PLGRKT: variants seen among roughly 807,000 people sequenced by gnomAD.
PLGRKT encodes the protein plasminogen receptor (KT).
Under a neutral mutation model 18.5 loss-of-function variants are expected in PLGRKT, and 22 were observed. The ratio of observed to expected loss-of-function variants is 1.19; its 90% CI spans 0.85 to 1.70. PLGRKT has a LOEUF of 1.70. Ranked by LOEUF, PLGRKT falls within the 40% of genes most tolerant of loss-of-function variation. The probability of loss-of-function intolerance (pLI) is 0.00; values close to 1 mark genes in which losing one functional copy is unlikely to be tolerated. For missense variants in PLGRKT, 235 were observed against 174.4 expected (o/e 1.35, Z -1.96); for synonymous variants, 72 against 52.8 (o/e 1.36, Z -1.58).
intron 3 of PLGRKT, among the ~76,000 whole-genome samples, chr9:5,406,224 G>A (rs1436642266): frequency 2.6e-5 from 4 of 152,180 alleles, no homozygotes; most frequent in South Asian, 2.1e-4. Context: ...ATTTAGAACC[G>A]AAAATACCAT....
At chr9:5,410,833 A>G (rs1352373016) in intron 3 of PLGRKT, among the ~76,000 whole-genome samples, 3 of 152,206 alleles carry the variant, frequency 2.0e-5, no homozygotes, top group South Asian at 4.1e-4. Context: ...CAAATGAACA[A>G]TAAAATTTTG....
At chr9:5,394,010 T>C (rs1424375779) in intron 3 of PLGRKT, among the ~76,000 whole-genome samples, 2 of 151,908 alleles carry the variant, frequency 1.3e-5, no homozygotes, top group Non-Finnish European at 2.9e-5. Context: ...GGTGAATCTC[T>C]AGAAATGACC....
At position 5,361,071 on chromosome 9, in the gene PLGRKT, G is replaced by C. The variant is rs200234274; in HGVS notation, c.322+7C>G. On this transcript the variant is annotated splice_region_variant and intron_variant, in intron 5 of 5. Transcript: ENST00000223864. ...CAAATAGAAACTCTAGTTTACCAAA[G>C]ACTTACCTTTCATTCTTTCTAAAAG... 1.5e-6 allele frequency: 2 copies of C among 1,368,792 alleles called. No individual in the cohort carries two copies. The highest frequency in any genetic ancestry group is 2.3e-5 in the East Asian group (1 of 43,494). The allele number at this position is 1,368,792 out of a possible 1,614,324, so 84.8% of individuals were successfully genotyped here. A position where few individuals can be genotyped will look rare whatever the true frequency, so the allele number is the denominator to read the frequency against.
chr9:5,405,968 C>CA (rs1196133383), intron 3 of PLGRKT, among the ~76,000 whole-genome samples: 2 of 152,002 alleles, frequency 1.3e-5, no homozygotes, highest in South Asian at 2.1e-4. Flanking sequence ...AGACACTTCT[C>CA]AAAAAAAGAC....
intron 3 of PLGRKT, among the ~76,000 whole-genome samples, chr9:5,420,525 A>T (rs1240370257): frequency 1.3e-5 from 2 of 152,172 alleles, no homozygotes; most frequent in Non-Finnish European, 2.9e-5. Context: ...CCCCAGAACG[A>T]AAAGCTAAAT....
At chr9:5,427,748 G>C (rs535100040) in intron 3 of PLGRKT, among the ~76,000 whole-genome samples, 3 of 152,330 alleles carry the variant, frequency 2.0e-5, no homozygotes, top group Middle Eastern at 3.4e-3. Context: ...TGCCCTGATA[G>C]TTTTGGTGGC....
At chr9:5,360,875 G>A (rs1348678505) in intron 5 of PLGRKT, among the ~76,000 whole-genome samples, 2 of 152,198 alleles carry the variant, frequency 1.3e-5, no homozygotes, top group Non-Finnish European at 1.5e-5. Context: ...CACAATCCCT[G>A]AAAATGTAGC....
At chr9:5,427,196 G>C (rs1407284375) in intron 3 of PLGRKT, among the ~76,000 whole-genome samples, 1 of 152,124 alleles carries the variant, frequency 6.6e-6, no homozygotes, top group Admixed American at 6.6e-5. Context: ...CCCTTGTCTA[G>C]TGTAGCCAAG....
In PLGRKT at chr9:5,418,496, T is replaced by A. The variant is rs1043674666; in HGVS notation, c.81+13401A>T. ...CACACCCTCAACCACATGGAGCTTT[T>A]CACCATGCCCCGCCTGTCCTGCTCC... On this transcript the variant is annotated intron_variant, in intron 3 of 5. Coordinates refer to ENST00000223864, the MANE Select transcript of PLGRKT (RefSeq NM_018465.4). This position sits in a 1 kb window ranked among gnomAD's most constrained non-coding sequence, Gnocchi z 4.2. 3.5e-5 allele frequency: 39 copies of A among 1,107,872 alleles called. No individual in the cohort carries two copies. The Admixed American group carries it at 6.4e-4, about 18-fold the overall frequency. 68.6% of individuals were successfully genotyped at this position (1,107,872 alleles called of 1,614,324 possible).
intron 3 of PLGRKT, among the ~76,000 whole-genome samples, chr9:5,430,959 C>T (rs182879726): frequency 6.6e-6 from 1 of 152,332 alleles, no homozygotes; most frequent in East Asian, 1.9e-4. Flanking sequence ...AGGTTTCACA[C>T]TCCATGTTAG....
intron 3 of PLGRKT, among the ~76,000 whole-genome samples, chr9:5,416,758 T>C (rs1048832823): frequency 2.6e-5 from 4 of 152,194 alleles, no homozygotes; most frequent in African/African-American, 4.8e-5. Flanking sequence ...CCTGGACCCA[T>C]TGTTTGCATG....
At chr9:5,420,878 G>A (rs956043975) in intron 3 of PLGRKT, among the ~76,000 whole-genome samples, 1 of 152,166 alleles carries the variant, frequency 6.6e-6, no homozygotes, top group Non-Finnish European at 1.5e-5. Flanking sequence ...AAAAACAGAT[G>A]GGGGGCACAA....
chr9:5,369,056 T>C (rs1329363642), intron 3 of PLGRKT, among the ~76,000 whole-genome samples: 2 of 152,176 alleles, frequency 1.3e-5, no homozygotes, highest in East Asian at 3.9e-4. Context: ...GGCAAGGACT[T>C]CATGACTAAA....
intron 3 of PLGRKT, among the ~76,000 whole-genome samples, chr9:5,397,810 G>C (rs950285592): frequency 1.3e-5 from 2 of 151,946 alleles, no homozygotes; most frequent in African/African-American, 4.9e-5. Flanking sequence ...GCTGCCCTTG[G>C]TGTCAGCTGC....
At chr9:5,367,067 A>AC (rs1554626429) in intron 3 of PLGRKT, among the ~76,000 whole-genome samples, 21 of 138,844 alleles carry the variant, frequency 1.5e-4, no homozygotes, top group African/African-American at 5.1e-4. Context: ...ACACACACAC[A>AC]CCCCTAGGAA....
intron 3 of PLGRKT, among the ~76,000 whole-genome samples, chr9:5,397,144 A>G (rs1418203397): frequency 6.6e-6 from 1 of 151,986 alleles, no homozygotes; most frequent in Non-Finnish European, 1.5e-5. Flanking sequence ...ACGAAATTGT[A>G]GGCTTCCTAC....
At chr9:5,383,829 C>G (rs1375653995) in intron 3 of PLGRKT, among the ~76,000 whole-genome samples, 1 of 152,170 alleles carries the variant, frequency 6.6e-6, no homozygotes, top group Admixed American at 6.5e-5. Flanking sequence ...TCCTAATGGG[C>G]CAATGACCAG....
At chr9:5,429,894 C>T (rs138453969) in intron 3 of PLGRKT, among the ~76,000 whole-genome samples, 1 of 152,294 alleles carries the variant, frequency 6.6e-6, no homozygotes, top group Non-Finnish European at 1.5e-5. Flanking sequence ...CCAGGTCTGA[C>T]ATCTCCATTT....
At position 5,379,782 on chromosome 9, in the gene PLGRKT, A is replaced by C. The variant is rs150374530; in HGVS notation, c.82-17894T>G. On this transcript the variant is annotated intron_variant, in intron 3 of 5. Transcript: ENST00000223864. ...ATTGATACTATCCTTTGTTGGTGAG[A>C]GTGCACTCATGCACTATTTTTGGGA... is the stretch of plus-strand genomic sequence containing the variant. Among the ~76,000 whole-genome samples, 337 of 152,320 alleles carry C rather than the reference A, an allele frequency of 2.2e-3. 1 individual carries two copies. Among genetic ancestry groups the C allele is most frequent in the Middle Eastern group, 6.8e-3 (2 of 294 alleles).
Sources: allele counts gnomAD v4.1 joint callset (sites outside exome capture counted in the v4.1 genomes callset), GRCh38; gene constraint gnomAD v4.1.1; non-coding constraint Gnocchi (gnomAD v3.1); transcripts MANE v1.5; gene names NCBI Gene and HGNC (gene_info 2026-07-23, HGNC 2026-07-21).